ZDHHC14: variants seen among roughly 807,000 people sequenced by gnomAD.
ZDHHC14 encodes the protein palmitoyltransferase ZDHHC14.
A neutral mutation model predicts 47.7 loss-of-function variants in ZDHHC14; 16 were observed. The ratio of observed to expected loss-of-function variants is 0.34; its 90% CI spans 0.23 to 0.51. The LOEUF (loss-of-function observed/expected upper bound fraction) is 0.51. Among genes scored for constraint, ZDHHC14 ranks in the 20% least tolerant of loss-of-function variants. The pLI, the probability that ZDHHC14 is intolerant of heterozygous loss-of-function variation, is 0.97. For missense variants in ZDHHC14, 515 were observed against 662.5 expected (o/e 0.78, Z 2.44); for synonymous variants, 293 against 278.9 (o/e 1.05, Z -0.50).
chr6:157,630,513 T>C (rs1302838050), intron 4 of ZDHHC14: 1 of 151,872 alleles, frequency 6.6e-6, no homozygotes, highest in African/African-American at 2.4e-5. Flanking sequence ...TACTCACCAA[T>C]ACGCTCACAC....
chr6:157,600,670 T>C (rs539001834), intron 3 of ZDHHC14, among the ~76,000 whole-genome samples: 1 of 152,232 alleles, frequency 6.6e-6, no homozygotes, highest in South Asian at 2.1e-4. Context: ...CATCCCAAAG[T>C]GTTGGGATTA....
intron 2 of ZDHHC14, among the ~76,000 whole-genome samples, chr6:157,592,322 G>A (rs1317312483): frequency 6.6e-6 from 1 of 152,116 alleles, no homozygotes; most frequent in Admixed American, 6.5e-5. Context: ...ATGATAAAAT[G>A]TAGAAATGAT....
intron 3 of ZDHHC14, among the ~76,000 whole-genome samples, chr6:157,605,816 AG>A (rs1349537045): frequency 6.6e-6 from 1 of 152,118 alleles, no homozygotes; most frequent in Non-Finnish European, 1.5e-5. Flanking sequence ...GGTGGGGGGT[AG>A]GGGGCACGCA....
At chr6:157,607,834 C>A (rs1784599651) in intron 3 of ZDHHC14, among the ~76,000 whole-genome samples, 1 of 152,198 alleles carries the variant, frequency 6.6e-6, no homozygotes, top group Admixed American at 6.5e-5. Context: ...ACAGTGCCGT[C>A]TTAAATTTGA....
At chr6:157,585,991 G>A (rs1783684991) in intron 2 of ZDHHC14, among the ~76,000 whole-genome samples, 1 of 152,166 alleles carries the variant, frequency 6.6e-6, no homozygotes. Flanking sequence ...CCTCCATCTT[G>A]GGCATCTCCT....
At chr6:157,659,529 C>A (rs1778251865) in intron 8 of ZDHHC14, among the ~76,000 whole-genome samples, 1 of 152,244 alleles carries the variant, frequency 6.6e-6, no homozygotes, top group African/African-American at 2.4e-5. Flanking sequence ...ACATTCCTCT[C>A]CTTTGATTTG....
intron 2 of ZDHHC14, 55 bp from the exon 3 acceptor site, chr6:157,592,933 C>G: frequency 6.5e-7 from 1 of 1,543,626 alleles, no homozygotes; most frequent in Non-Finnish European, 8.7e-7. Flanking sequence ...ACGGGTCCCG[C>G]CGAGGCAGAG....
chr6:157,444,153 C>T (rs1038812314), intron 1 of ZDHHC14, among the ~76,000 whole-genome samples: 5 of 152,182 alleles, frequency 3.3e-5, no homozygotes, highest in African/African-American at 1.2e-4. Flanking sequence ...ATAAATTAAA[C>T]TGACTCCAAA....
At chr6:157,662,923 T>G (rs751940395) in intron 8 of ZDHHC14, among the ~76,000 whole-genome samples, 2 of 152,254 alleles carry the variant, frequency 1.3e-5, no homozygotes, top group Non-Finnish European at 2.9e-5. Context: ...CACATGAATG[T>G]GTTAACTTCA....
chr6:157,521,118 C>A (rs1046192723), intron 1 of ZDHHC14, among the ~76,000 whole-genome samples: 1 of 152,100 alleles, frequency 6.6e-6, no homozygotes, highest in Non-Finnish European at 1.5e-5. Context: ...TATTGAAAGC[C>A]GGCCTGGAGT....
intron 1 of ZDHHC14, among the ~76,000 whole-genome samples, chr6:157,429,325 G>A (rs1041929121): frequency 6.6e-6 from 1 of 152,190 alleles, no homozygotes; most frequent in East Asian, 1.9e-4. Flanking sequence ...CCTTTGATAA[G>A]CATTGGTATT....
chr6:157,430,254 TGC>T lies in ZDHHC14; in HGVS notation c.245+47989_245+47990del, dbSNP rs1778311098. Among the ~76,000 whole-genome samples, 4 of 146,536 alleles carry T rather than the reference TGC, an allele frequency of 2.7e-5. No individual in the cohort carries two copies. The South Asian group carries it at 8.6e-4, about 31-fold the overall frequency. ...TTGCTCAAACCTGGGAGGTGGAGGT[TGC>T]AGTGAGCCGACAGTGTGACACTGTA... On this transcript the variant is annotated intron_variant, in intron 1 of 8. Transcript: ENST00000359775.
At chr6:157,532,049 C>T (rs111675024) in intron 1 of ZDHHC14, among the ~76,000 whole-genome samples, 3,901 of 152,268 alleles carry the variant, frequency 0.026, 174 homozygotes, top group African/African-American at 0.09. Flanking sequence ...GTGTGGGGCC[C>T]CTGGCCATGG....
At chr6:157,457,280 G>C (rs1011251540) in intron 1 of ZDHHC14, among the ~76,000 whole-genome samples, 2 of 151,988 alleles carry the variant, frequency 1.3e-5, no homozygotes, top group South Asian at 4.1e-4. Context: ...GGCTTCCAGC[G>C]TGGGCTCTGG....
Position 157,381,434 on chromosome 6 carries a change from G to T in ZDHHC14, c.-588G>T. ...AGAGGCTCCTGACAGAAAAACGTGC[G>T]TGGTTGTCCCCACCCCTGGGAGGGG... is the stretch of plus-strand genomic sequence containing the variant. On this transcript the variant is annotated 5_prime_UTR_variant, in exon 1 of 9. Transcript: ENST00000359775. The T allele has an allele frequency of 1.1e-5, 3 of 270,546 alleles. No homozygotes were observed. The highest frequency in any genetic ancestry group is 2.3e-5 in the Non-Finnish European group (3 of 130,942). The allele number at this position is 270,546 out of a possible 1,614,324, so 16.8% of individuals were successfully genotyped here. A position where few individuals can be genotyped will look rare whatever the true frequency, so the allele number is the denominator to read the frequency against.
At chr6:157,536,602 T>C (rs905230026) in intron 1 of ZDHHC14, among the ~76,000 whole-genome samples, 5 of 152,200 alleles carry the variant, frequency 3.3e-5, no homozygotes, top group Admixed American at 1.3e-4. Context: ...AATCCATGTT[T>C]CTTATCCAAA....
At chr6:157,439,801 C>T (rs1452201769) in intron 1 of ZDHHC14, among the ~76,000 whole-genome samples, 3 of 152,154 alleles carry the variant, frequency 2.0e-5, no homozygotes, top group Admixed American at 6.5e-5. Flanking sequence ...CAATGTGGTG[C>T]ATATATACCA....
intron 1 of ZDHHC14, among the ~76,000 whole-genome samples, chr6:157,455,563 C>T (rs964308029): frequency 2.0e-5 from 3 of 152,142 alleles, no homozygotes; most frequent in African/African-American, 7.2e-5. Flanking sequence ...GGCCTTTGTG[C>T]TTGCGTTTGT....
At chr6:157,564,724 T>C (rs1782835883) in intron 2 of ZDHHC14, among the ~76,000 whole-genome samples, 1 of 152,208 alleles carries the variant, frequency 6.6e-6, no homozygotes, top group South Asian at 2.1e-4. Context: ...TTTATTAAAG[T>C]ACCACTGAGC....
Sources: allele counts gnomAD v4.1 joint callset (sites outside exome capture counted in the v4.1 genomes callset), GRCh38; gene constraint gnomAD v4.1.1; transcripts MANE v1.5; gene names NCBI Gene and HGNC (gene_info 2026-07-23, HGNC 2026-07-21).